CCDC60: variants seen among roughly 807,000 people sequenced by gnomAD.
CCDC60 encodes the protein coiled-coil domain-containing protein 60.
A neutral mutation model predicts 63.5 loss-of-function variants in CCDC60; 54 were observed. The observed-to-expected ratio is 0.85, with a 90% CI of 0.68 to 1.07. CCDC60 has a LOEUF of 1.07. Among genes scored for constraint, CCDC60 ranks in the 50% least tolerant of loss-of-function variants. The pLI is 0.00. For synonymous variants in CCDC60, 206 were observed against 238.8 expected (o/e 0.86, Z 1.27); for missense variants, 651 against 684.3 (o/e 0.95, Z 0.54).
At chr12:119,439,819 C>T (rs773963518) in intron 2 of CCDC60, among the ~76,000 whole-genome samples, 15 of 152,148 alleles carry the variant, frequency 9.9e-5, no homozygotes, top group South Asian at 2.1e-4. Context: ...ATAGGTAGTC[C>T]AGCATTTCCT....
At position 119,439,150 on chromosome 12, in the gene CCDC60, C is replaced by CAAAAA. The variant is rs11317847; in HGVS notation, c.170+10408_170+10412dup. ...ACAGTATATACATCCCTTTTCTGGG[C>CAAAAA]AAAAAAAAAAAAAAAAAAAAAAAAG... On this transcript the variant is annotated intron_variant, in intron 2 of 13. Coordinates refer to ENST00000327554, the MANE Select transcript of CCDC60 (RefSeq NM_178499.5). Among the ~76,000 whole-genome samples the CAAAAA allele has an allele frequency of 6.8e-4, 49 of 72,268 alleles. No homozygotes were observed. The East Asian group carries it at 9.2e-3, about 14-fold the overall frequency. 47.4% of individuals were successfully genotyped at this position (72,268 alleles called of 152,430 possible). A position where few individuals can be genotyped will look rare whatever the true frequency, so the allele number is the denominator to read the frequency against.
Position 119,482,159 on chromosome 12 carries a change from T to C in CCDC60, c.449+2958T>C, listed in dbSNP as rs866541007. Among the ~76,000 whole-genome samples the C allele has an allele frequency of 6.0e-4, 87 of 145,354 alleles. 1 individual carries two copies. In the South Asian group the frequency reaches 0.016, roughly 27 times the overall value. ...ACATATATATACACACACACACACA[T>C]ACACACACACACACACACATATATA... On this transcript the variant is annotated intron_variant, in intron 4 of 13. Coordinates refer to ENST00000327554, the MANE Select transcript of CCDC60 (RefSeq NM_178499.5).
intron 13 of CCDC60, among the ~76,000 whole-genome samples, chr12:119,532,782 G>A (rs150184593): frequency 0.017 from 2,644 of 152,226 alleles, 37 homozygotes; most frequent in South Asian, 0.066. Context: ...ATTCTATGGT[G>A]TATATGTGCA....
intron 1 of CCDC60, among the ~76,000 whole-genome samples, chr12:119,349,952 C>A (rs1037311430): frequency 6.6e-6 from 1 of 152,112 alleles, no homozygotes; most frequent in Non-Finnish European, 1.5e-5. Flanking sequence ...TGGGTGACAG[C>A]CACTCTAGTA....
intron 1 of CCDC60, among the ~76,000 whole-genome samples, chr12:119,405,419 G>A (rs754991645): frequency 1.3e-5 from 2 of 152,188 alleles, no homozygotes; most frequent in Non-Finnish European, 2.9e-5. Context: ...ACTCTGAAAT[G>A]AGCATGGATA....
intron 2 of CCDC60, among the ~76,000 whole-genome samples, chr12:119,459,587 C>G (rs1183628999): frequency 6.6e-6 from 1 of 152,154 alleles, no homozygotes; most frequent in East Asian, 1.9e-4. Context: ...CCTGACCACC[C>G]CCATTGCTCC....
At chr12:119,431,882 C>T (rs948869791) in intron 2 of CCDC60, among the ~76,000 whole-genome samples, 2 of 152,034 alleles carry the variant, frequency 1.3e-5, no homozygotes, top group African/African-American at 4.8e-5. Flanking sequence ...AGTTTCACCA[C>T]GTTAGCCAGG....
chr12:119,451,679 G>A (rs867606682), intron 2 of CCDC60, among the ~76,000 whole-genome samples: 1 of 152,064 alleles, frequency 6.6e-6, no homozygotes, highest in Non-Finnish European at 1.5e-5. Flanking sequence ...CTCAATTTTT[G>A]TATCTTTCCT....
At chr12:119,527,677 T>TC (rs1952720986) in intron 11 of CCDC60, among the ~76,000 whole-genome samples, 1 of 134,720 alleles carries the variant, frequency 7.4e-6, no homozygotes, top group Non-Finnish European at 1.6e-5. Flanking sequence ...TTTTTTTTTT[T>TC]TTTTTTTTTT....
At chr12:119,523,447 G>A (rs573592983) in intron 10 of CCDC60, among the ~76,000 whole-genome samples, 2 of 152,346 alleles carry the variant, frequency 1.3e-5, no homozygotes, top group East Asian at 3.9e-4. Context: ...CCAGTGACCA[G>A]TTGTCTCACT....
At chr12:119,345,503 A>AAAATAAATAAATAAATAAAT (rs71072508) in intron 1 of CCDC60, among the ~76,000 whole-genome samples, 2,824 of 150,444 alleles carry the variant, frequency 0.019, 43 homozygotes, top group Non-Finnish European at 0.029. Flanking sequence ...CTCCATCTCA[A>AAAATAAATAAATAAATAAAT]AAATAAATAA....
chr12:119,360,338 GGGCT>G (rs1376500711), intron 1 of CCDC60, among the ~76,000 whole-genome samples: 2 of 148,646 alleles, frequency 1.3e-5, no homozygotes, highest in African/African-American at 5.0e-5. Context: ...GCCAGGCGGG[GGGCT>G]GACGCCCCCA....
At chr12:119,445,433 C>CAAAAAA (rs58415660) in intron 2 of CCDC60, among the ~76,000 whole-genome samples, 5 of 27,192 alleles carry the variant, frequency 1.8e-4, no homozygotes, top group African/African-American at 3.1e-4. Context: ...GACTCCATCT[C>CAAAAAA]AAAAAAAAAA....
intron 1 of CCDC60, among the ~76,000 whole-genome samples, chr12:119,414,471 A>T (rs1214020007): frequency 6.6e-6 from 1 of 152,190 alleles, no homozygotes; most frequent in Non-Finnish European, 1.5e-5. Context: ...AGTTCAAAGG[A>T]TGGGAAGACT....
chr12:119,522,793 T>C (rs1952563776), intron 9 of CCDC60, 146 bp from the exon 10 acceptor site: 16 of 756,680 alleles, frequency 2.1e-5, no homozygotes, highest in Admixed American at 3.8e-5. Flanking sequence ...GGGAAGAAAT[T>C]CATAGAGTTC....
intron 12 of CCDC60, among the ~76,000 whole-genome samples, chr12:119,530,116 A>T (rs917577456): frequency 1.3e-5 from 2 of 152,176 alleles, no homozygotes; most frequent in African/African-American, 4.8e-5. Context: ...CCTCAACGGG[A>T]CTTTATTCTA....
intron 2 of CCDC60, among the ~76,000 whole-genome samples, chr12:119,438,688 T>C (rs1950375036): frequency 6.6e-6 from 1 of 152,228 alleles, no homozygotes; most frequent in African/African-American, 2.4e-5. Flanking sequence ...GTCTTTTTTA[T>C]GCTAGCTGTC....
At chr12:119,496,143 A>G (rs1951710218) in intron 5 of CCDC60, among the ~76,000 whole-genome samples, 1 of 151,924 alleles carries the variant, frequency 6.6e-6, no homozygotes, top group Admixed American at 6.6e-5. Flanking sequence ...CAGAGCTTTG[A>G]CCTCTGCCCC....
At chr12:119,430,914 C>G (rs943849580) in intron 2 of CCDC60, among the ~76,000 whole-genome samples, 6 of 152,178 alleles carry the variant, frequency 3.9e-5, no homozygotes, top group African/African-American at 1.4e-4. Flanking sequence ...CTGGGATGTT[C>G]TTGCAGAGAA....
Sources: allele counts gnomAD v4.1 joint callset (sites outside exome capture counted in the v4.1 genomes callset), GRCh38; gene constraint gnomAD v4.1.1; transcripts MANE v1.5; gene names NCBI Gene and HGNC (gene_info 2026-07-23, HGNC 2026-07-21).